Variants in ARL13B observed in about 807,000 individuals in gnomAD.
The protein encoded by ARL13B is ADP-ribosylation factor-like protein 13B.
A neutral mutation model predicts 56.1 loss-of-function variants in ARL13B; 36 were observed. The ratio of observed to expected loss-of-function variants is 0.64; its 90% CI spans 0.49 to 0.85. The LOEUF (loss-of-function observed/expected upper bound fraction) is 0.85, where lower values mean the gene tolerates loss of function less well. Among genes scored for constraint, ARL13B ranks in the 40% least tolerant of loss-of-function variants. The pLI is 0.00. For synonymous variants in ARL13B, 178 were observed against 171.1 expected (o/e 1.04, Z -0.32); for missense variants, 519 against 507.1 (o/e 1.02, Z -0.23).
Position 94,035,406 on chromosome 3 carries a change from G to T in ARL13B, c.456G>T (p.Leu152Phe). 6.2e-7 allele frequency: 1 copy of T among 1,604,632 alleles called. No individual in the cohort carries two copies. The highest frequency in any genetic ancestry group is 1.1e-5 in the South Asian group (1 of 88,100). ...DVIECLSLEK[L>F]VNEHKCLCQI... The stretch of plus-strand genomic sequence containing the variant: ...TTGAATGTCTATCTCTGGAAAAATT[G>T]GTCAATGAGCACAAGTGCCTGTGTC... The change falls in exon 4 of 10, where the codon TTG becomes TTT. Residue 152 changes from leucine to phenylalanine, a missense_variant. Physicochemically the swap from Leu to Phe is conservative, Grantham distance 22. Transcript: ENST00000394222.
At chr3:94,041,047 G>A (rs2076852149) in intron 6 of ARL13B, among the ~76,000 whole-genome samples, 1 of 151,316 alleles carries the variant, frequency 6.6e-6, no homozygotes, top group Admixed American at 6.6e-5. Flanking sequence ...TCAAGAAGAT[G>A]GCCAGTAAAG....
At chr3:94,038,012 G>T (rs150361161) in intron 5 of ARL13B, among the ~76,000 whole-genome samples, 1 of 152,218 alleles carries the variant, frequency 6.6e-6, no homozygotes, top group Admixed American at 6.5e-5. Context: ...TTGACATTCG[G>T]AGACGGGTGA....
rs1230414852 is a variant in ARL13B, at chr3:94,055,155, T to G, written c.*1892T>G. 17 of 368,192 alleles carry G rather than the reference T, an allele frequency of 4.6e-5. No individual in the cohort carries two copies. The highest frequency in any genetic ancestry group is 8.9e-5 in the Non-Finnish European group (17 of 191,200). 22.8% of individuals were successfully genotyped at this position (368,192 alleles called of 1,614,324 possible). On this transcript the variant is annotated 3_prime_UTR_variant, in exon 10 of 10. Coordinates refer to ENST00000394222, the MANE Select transcript of ARL13B (RefSeq NM_001174150.2). ...TATTCCTTAAGCATTTTAAAAACATTTTAAAAAATGTTTTGTAAATCCAGG... is the reference window on the plus strand; with the variant it reads ...TATTCCTTAAGCATTTTAAAAACATGTTAAAAAATGTTTTGTAAATCCAGG...
intron 2 of ARL13B, chr3:93,996,461 T>C (rs1391170483): frequency 1.0e-5 from 2 of 197,016 alleles, no homozygotes; most frequent in African/African-American, 2.3e-5. Flanking sequence ...ATATTGAATA[T>C]ATATCATACA....
At chr3:94,020,596 A>G (rs575773644) in intron 3 of ARL13B, among the ~76,000 whole-genome samples, 45 of 152,300 alleles carry the variant, frequency 3.0e-4, no homozygotes, top group African/African-American at 1.0e-3. Flanking sequence ...GCCAGATCAC[A>G]AGGGATAAGA....
At chr3:94,039,485 G>T (rs1198187022) in intron 5 of ARL13B, among the ~76,000 whole-genome samples, 3 of 119,034 alleles carry the variant, frequency 2.5e-5, no homozygotes, top group African/African-American at 7.5e-5. Context: ...GGGCGAGAAT[G>T]CAAGACTCCG....
intron 9 of ARL13B, 71 bp downstream of exon 9, chr3:94,050,963 T>C: frequency 4.2e-6 from 6 of 1,415,790 alleles, no homozygotes; most frequent in South Asian, 1.2e-5. Context: ...GCCTTATAAT[T>C]TCAACAAACT....
At chr3:94,035,458 T>TTA in intron 4 of ARL13B, 22 bp downstream of exon 4, 1 of 1,429,744 alleles carries the variant, frequency 7.0e-7, no homozygotes, top group Non-Finnish European at 9.6e-7. Context: ...TTTTTTTTTT[T>TTA]AATTTTAATT....
In ARL13B at chr3:94,043,174, T is replaced by G. The variant is rs747096901; in HGVS notation, c.958T>G (p.Tyr320Asp). ...TAATGAATTTGGACTAGTAGAAAAT[T>G]ATAAGGAGGCATTAACACAGCAGTT... is the stretch of plus-strand genomic sequence containing the variant. ...KNNEFGLVEN[Y>D]KEALTQQLKN... The change falls in exon 7 of 10, where the codon TAT becomes GAT. Residue 320 changes from tyrosine (Y) to aspartate (D), a missense_variant. Transcript: ENST00000394222. The G allele has an allele frequency of 4.3e-6, 7 of 1,613,394 alleles. No homozygotes were observed. Among genetic ancestry groups the G allele is most frequent in the Non-Finnish European group, 5.9e-6 (7 of 1,179,882 alleles).
At chr3:94,024,435 C>A (rs1282177132) in intron 3 of ARL13B, among the ~76,000 whole-genome samples, 1 of 152,182 alleles carries the variant, frequency 6.6e-6, no homozygotes, top group African/African-American at 2.4e-5. Context: ...TACAATGGTT[C>A]AGTAGCTTTT....
intron 3 of ARL13B, chr3:94,014,768 G>T: frequency 6.2e-7 from 1 of 1,613,630 alleles, no homozygotes; most frequent in Non-Finnish European, 8.5e-7. Context: ...TCAAGCTGAC[G>T]TAAAATAAAT....
At chr3:94,037,506 C>G (rs2076789790) in intron 5 of ARL13B, among the ~76,000 whole-genome samples, 3 of 152,064 alleles carry the variant, frequency 2.0e-5, no homozygotes, top group Non-Finnish European at 4.4e-5. Context: ...CTCTCTATCC[C>G]CAAGTGCTCA....
chr3:94,039,499 C>CA (rs11437061), intron 5 of ARL13B, among the ~76,000 whole-genome samples: 30,072 of 64,828 alleles, frequency 0.46, 8,219 homozygotes, highest in African/African-American at 0.78. Flanking sequence ...GACTCCGACT[C>CA]AAAAAAAAAA....
At chr3:94,016,739 C>T (rs1160110719) in intron 3 of ARL13B, among the ~76,000 whole-genome samples, 1 of 151,906 alleles carries the variant, frequency 6.6e-6, no homozygotes, top group East Asian at 1.9e-4. Context: ...TTCTGCCTCC[C>T]GGGTTTAAGT....
intron 1 of ARL13B, among the ~76,000 whole-genome samples, chr3:93,990,566 A>G (rs1010826913): frequency 4.6e-5 from 7 of 152,108 alleles, no homozygotes; most frequent in Non-Finnish European, 1.0e-4. Context: ...GGAATTTTCC[A>G]CCGTGGTGTC....
chr3:94,049,872 G>T (rs1318684540), intron 8 of ARL13B, among the ~76,000 whole-genome samples: 1 of 151,710 alleles, frequency 6.6e-6, no homozygotes, highest in Admixed American at 6.6e-5. Context: ...CATTGAACCG[G>T]CTCGGCATGG....
At chr3:94,052,439 A>AT (rs1198802942) in intron 9 of ARL13B, among the ~76,000 whole-genome samples, 4 of 152,144 alleles carry the variant, frequency 2.6e-5, no homozygotes, top group African/African-American at 9.7e-5. Flanking sequence ...GGAAAGTGGC[A>AT]TTAGAACGAG....
intron 7 of ARL13B, among the ~76,000 whole-genome samples, chr3:94,049,185 A>G (rs1269103214): frequency 6.6e-6 from 1 of 152,162 alleles, no homozygotes; most frequent in Non-Finnish European, 1.5e-5. Flanking sequence ...GGCTCTTTTT[A>G]TCATATTCAT....
intron 2 of ARL13B, among the ~76,000 whole-genome samples, chr3:93,998,668 G>A (rs2076004939): frequency 6.6e-6 from 1 of 152,082 alleles, no homozygotes; most frequent in South Asian, 2.1e-4. Context: ...ATTCCCAGCT[G>A]CCCCAATTAC....
Sources: gnomAD v4.1 joint callset for allele counts (sites outside exome capture counted in the v4.1 genomes callset) on GRCh38, gnomAD v4.1.1 for gene constraint, MANE v1.5 for transcripts, NCBI Gene and HGNC (gene_info 2026-07-23, HGNC 2026-07-21) for gene names.